GPBP1L1: variants seen among roughly 807,000 people sequenced by gnomAD.
GPBP1L1 encodes the protein GC-rich promoter binding protein 1 like 1.
GPBP1L1 carries 23 observed loss-of-function variants against 52.5 expected under a neutral mutation model. That is an observed-to-expected ratio of 0.44 (90% confidence interval 0.32 to 0.62). The LOEUF (loss-of-function observed/expected upper bound fraction) is 0.62, where lower values mean the gene tolerates loss of function less well. GPBP1L1 is among the 20% of genes least tolerant of loss of function. GPBP1L1 has a pLI of 0.06. For synonymous variants in GPBP1L1, 243 were observed against 203.1 expected (o/e 1.20, Z -1.67); for missense variants, 596 against 579.3 (o/e 1.03, Z -0.30).
chr1:45,664,959 T>A (rs1644992201), intron 2 of GPBP1L1, among the ~76,000 whole-genome samples: 1 of 151,986 alleles, frequency 6.6e-6, no homozygotes, highest in Non-Finnish European at 1.5e-5. Context: ...ATTAAAGGTG[T>A]GAGCCACTGC....
At chr1:45,667,235 A>G (rs964819186) in intron 2 of GPBP1L1, among the ~76,000 whole-genome samples, 2 of 152,196 alleles carry the variant, frequency 1.3e-5, no homozygotes, top group African/African-American at 4.8e-5. Flanking sequence ...TAAAGCAGTC[A>G]ATGTTAATAT....
At chr1:45,632,315 A>G (rs1644540892) in intron 10 of GPBP1L1, among the ~76,000 whole-genome samples, 1 of 152,180 alleles carries the variant, frequency 6.6e-6, no homozygotes, top group African/African-American at 2.4e-5. Context: ...AGGCAGGAGA[A>G]CTGCTTGAAC....
At chr1:45,640,104 A>C (rs546634899) in intron 8 of GPBP1L1, 106 bp downstream of exon 8, 1 of 797,610 alleles carries the variant, frequency 1.3e-6, no homozygotes, top group African/African-American at 1.7e-5. Flanking sequence ...TACTGAAAGA[A>C]TATCTGGTGA....
In GPBP1L1 at chr1:45,640,286, T is replaced by C; in HGVS notation, c.668A>G (p.Asn223Ser). The change falls in exon 8 of 13, where the codon AAT becomes AGT. Residue 223 changes from asparagine (N) to serine (S), a missense_variant. Asn to Ser is a conservative substitution (Grantham distance 46). Transcript: ENST00000355105. ...AFTSPGSHHA[N>S]GNKLSSVVPS... ...AACCACGGATGACAATTTGTTCCCA[T>C]TTGCATGGTGAGATCCTGGTGAGGT... is the stretch of plus-strand genomic sequence containing the variant. 6.2e-7 allele frequency: 1 copy of C among 1,614,124 alleles called. No homozygotes were observed. Among genetic ancestry groups the C allele is most frequent in the Non-Finnish European group, 8.5e-7 (1 of 1,179,998 alleles).
intron 2 of GPBP1L1, among the ~76,000 whole-genome samples, chr1:45,681,997 T>C (rs1645217621): frequency 6.6e-6 from 1 of 152,222 alleles, no homozygotes; most frequent in African/African-American, 2.4e-5. Context: ...GAAGGGTTAA[T>C]ATCTACTTCT....
chr1:45,644,453 C>T (rs948017173), intron 6 of GPBP1L1, among the ~76,000 whole-genome samples: 13 of 152,080 alleles, frequency 8.5e-5, no homozygotes, highest in African/African-American at 2.9e-4. Flanking sequence ...CTTTTAAACA[C>T]TACATGGTTT....
At chr1:45,656,410 T>C (rs1417139837) in intron 4 of GPBP1L1, among the ~76,000 whole-genome samples, 2 of 152,206 alleles carry the variant, frequency 1.3e-5, no homozygotes, top group East Asian at 3.8e-4. Flanking sequence ...ACTATCAACA[T>C]CCTTGCCAAT....
chr1:45,652,207 G>A (rs1056807505), intron 6 of GPBP1L1, among the ~76,000 whole-genome samples: 22 of 152,154 alleles, frequency 1.4e-4, no homozygotes, highest in African/African-American at 2.4e-5. Context: ...ATCCCCCAGC[G>A]GGCAAACTTG....
At chr1:45,668,483 A>G (rs1645036797) in intron 2 of GPBP1L1, among the ~76,000 whole-genome samples, 2 of 152,090 alleles carry the variant, frequency 1.3e-5, no homozygotes, top group Admixed American at 1.3e-4. Flanking sequence ...GTGAAACCTC[A>G]TCTCTACTAA....
chr1:45,662,703 G>A (rs1041346412), intron 2 of GPBP1L1, among the ~76,000 whole-genome samples: 33 of 152,084 alleles, frequency 2.2e-4, no homozygotes, highest in African/African-American at 7.7e-4. Flanking sequence ...CAAGTTGAGC[G>A]ATGGGTACAA....
chr1:45,675,361 C>T (rs376253199), intron 2 of GPBP1L1, among the ~76,000 whole-genome samples: 24 of 152,084 alleles, frequency 1.6e-4, no homozygotes, highest in African/African-American at 5.5e-4. Flanking sequence ...GGGCCCATTA[C>T]AATGCATTAC....
Position 45,665,704 on chromosome 1 carries a change from A to G in GPBP1L1, c.-1097-4479T>C, listed in dbSNP as rs374502119. ...TGCAGTGAGCCAAGATCACGCCACCACTGCACTCCAGCCTGGGCAACAGAG... is the reference window on the plus strand; with the variant it reads ...TGCAGTGAGCCAAGATCACGCCACCGCTGCACTCCAGCCTGGGCAACAGAG... On this transcript the variant is annotated intron_variant, in intron 2 of 12. Transcript: ENST00000355105. 1.2e-4 allele frequency among the ~76,000 whole-genome samples: 18 copies of G among 147,580 alleles called. No individual in the cohort carries two copies. The South Asian group carries it at 3.9e-3, about 32-fold the overall frequency.
chr1:45,630,544 A>C lies in GPBP1L1; in HGVS notation c.1107T>G (p.Gly369=). ...CTTCTTCCACTACAGGGAGGGCAAG[A>C]CCATTTTGATGACAGCCTTCCTCCC... ...ENGEEGCHQN[G]LALPVVEEGE... Residue 369 remains glycine, a synonymous_variant, in exon 11 of 13, where the codon GGT becomes GGG. Transcript: ENST00000355105. 1 of 1,613,988 alleles carries C rather than the reference A, an allele frequency of 6.2e-7. No homozygotes were observed. The highest frequency in any genetic ancestry group is 1.1e-5 in the South Asian group (1 of 91,082).
rs1274261369 is a variant in GPBP1L1 at position 45,633,913 on chromosome 1, A to G, written c.885+183T>C. ...ATAGGATGACCTTGGTCCACCACAG[A>G]GCATCTATCCCATTTAGCCACTGCC... On this transcript the variant is annotated intron_variant, in intron 9 of 12. Transcript: ENST00000355105. 42 of 692,720 alleles carry G rather than the reference A, an allele frequency of 6.1e-5. No individual in the cohort carries two copies. The Admixed American group carries it at 1.3e-3, about 21-fold the overall frequency. 42.9% of individuals were successfully genotyped at this position (692,720 alleles called of 1,614,324 possible).
chr1:45,630,697 A>G, intron 10 of GPBP1L1, 91 bp from the exon 11 acceptor site: 3 of 1,441,090 alleles, frequency 2.1e-6, no homozygotes, highest in Non-Finnish European at 2.8e-6. Context: ...ACGACCCAGG[A>G]AGTGTTTTCC....
intron 8 of GPBP1L1, among the ~76,000 whole-genome samples, chr1:45,639,895 C>A (rs1192535707): frequency 6.6e-6 from 1 of 150,884 alleles, no homozygotes; most frequent in African/African-American, 2.4e-5. Flanking sequence ...CAAAACAAAA[C>A]AAAAAATAAA....
chr1:45,674,943 G>A (rs1193061581), intron 2 of GPBP1L1, among the ~76,000 whole-genome samples: 2 of 152,134 alleles, frequency 1.3e-5, no homozygotes, highest in Admixed American at 1.3e-4. Context: ...TCAATGTAAT[G>A]GTTCTTTAAA....
At chr1:45,677,867 CACAA>C (rs781282606) in intron 2 of GPBP1L1, among the ~76,000 whole-genome samples, 12 of 152,156 alleles carry the variant, frequency 7.9e-5, no homozygotes, top group Non-Finnish European at 1.0e-4. Flanking sequence ...GAAGATGAGG[CACAA>C]ACAAAGAATT....
intron 6 of GPBP1L1, among the ~76,000 whole-genome samples, chr1:45,647,165 G>GCTTTTTTTTT (rs527602907): frequency 9.3e-6 from 1 of 107,728 alleles, no homozygotes; most frequent in Non-Finnish European, 2.0e-5. Context: ...AACTTCTTAG[G>GCTTTTTTTTT]ATTTTTTTTT....
Sources: allele counts gnomAD v4.1 joint callset (sites outside exome capture counted in the v4.1 genomes callset), GRCh38; gene constraint gnomAD v4.1.1; transcripts MANE v1.5; gene names NCBI Gene and HGNC (gene_info 2026-07-23, HGNC 2026-07-21).